Variants in ARB2A observed in about 807,000 individuals in gnomAD.
ARB2A encodes ARB2 cotranscriptional regulator A.
chr5:93,700,327 C>T, the ARB2A span, among the ~76,000 whole-genome samples: 1 of 151,934 alleles, frequency 6.6e-6, no homozygotes, highest in Non-Finnish European at 1.5e-5. Flanking sequence ...AAGGCAAATC[C>T]ATCAAAACAG....
At chr5:93,800,421 A>ACACACG in the ARB2A span, among the ~76,000 whole-genome samples, 1 of 149,122 alleles carries the variant, frequency 6.7e-6, no homozygotes, top group South Asian at 2.1e-4. Context: ...ACACACACAC[A>ACACACG]CACGCACACA....
the ARB2A span, among the ~76,000 whole-genome samples, chr5:94,102,424 CA>C: frequency 7.2e-5 from 11 of 152,050 alleles, no homozygotes; most frequent in African/African-American, 2.7e-4. Context: ...GAAAGAATCT[CA>C]AAGTTCAAAG....
At chr5:94,019,083 T>C in the ARB2A span, among the ~76,000 whole-genome samples, 3 of 152,160 alleles carry the variant, frequency 2.0e-5, no homozygotes, top group South Asian at 2.1e-4. Flanking sequence ...ATTTAATACA[T>C]GGTGTTGGGA....
At chr5:93,849,228 A>G in the ARB2A span, among the ~76,000 whole-genome samples, 1 of 152,198 alleles carries the variant, frequency 6.6e-6, no homozygotes, top group African/African-American at 2.4e-5. Context: ...AAATAATTGA[A>G]AAAAAATTTC....
the ARB2A span, chr5:93,741,155 T>C: frequency 6.2e-7 from 1 of 1,613,802 alleles, no homozygotes; most frequent in Non-Finnish European, 8.5e-7. Flanking sequence ...AGGCTCAACC[T>C]CTTCTGCCTC....
At chr5:93,811,328 T>C in the ARB2A span, among the ~76,000 whole-genome samples, 1 of 152,162 alleles carries the variant, frequency 6.6e-6, no homozygotes. Context: ...AATTTAAATA[T>C]AAATGATTTG....
At chr5:93,996,189 A>C in the ARB2A span, among the ~76,000 whole-genome samples, 5 of 152,046 alleles carry the variant, frequency 3.3e-5, no homozygotes, top group African/African-American at 1.2e-4. Context: ...GCCCATATCT[A>C]TGTATGTCTA....
chr5:93,937,105 C>T, the ARB2A span, among the ~76,000 whole-genome samples: 1 of 151,800 alleles, frequency 6.6e-6, no homozygotes, highest in Non-Finnish European at 1.5e-5. Context: ...GATCTCCTGA[C>T]CTCATGATCC....
At chr5:93,913,151 T>C in the ARB2A span, among the ~76,000 whole-genome samples, 1 of 151,818 alleles carries the variant, frequency 6.6e-6, no homozygotes, top group South Asian at 2.1e-4. Context: ...ATGTGGCATA[T>C]TGCTCTGATT....
chr5:93,932,564 T>C, the ARB2A span, among the ~76,000 whole-genome samples: 1 of 152,254 alleles, frequency 6.6e-6, no homozygotes, highest in African/African-American at 2.4e-5. Flanking sequence ...TAGAGCCATT[T>C]CTTCAGTTTA....
the ARB2A span, among the ~76,000 whole-genome samples, chr5:93,691,857 T>G: frequency 2.0e-5 from 3 of 152,116 alleles, no homozygotes; most frequent in Non-Finnish European, 4.4e-5. Flanking sequence ...CAGAAGACTG[T>G]GGGGGCCAAT....
the ARB2A span, among the ~76,000 whole-genome samples, chr5:93,676,058 T>C: frequency 6.6e-6 from 1 of 152,216 alleles, no homozygotes; most frequent in Non-Finnish European, 1.5e-5. Flanking sequence ...CTGTACTGAT[T>C]AAACAGGAAG....
chr5:94,056,025 C>T, the ARB2A span: 1 of 650,860 alleles, frequency 1.5e-6, no homozygotes, highest in Non-Finnish European at 1.9e-6. Flanking sequence ...TATTCACTGT[C>T]TTTCAGACAA....
chr5:93,813,230 G>T, the ARB2A span, among the ~76,000 whole-genome samples: 13 of 152,280 alleles, frequency 8.5e-5, no homozygotes, highest in East Asian at 2.3e-3. Context: ...CATGTTACCG[G>T]ACAATGGAGA....
the ARB2A span, among the ~76,000 whole-genome samples, chr5:93,981,822 C>T: frequency 6.6e-6 from 1 of 152,128 alleles, no homozygotes; most frequent in Non-Finnish European, 1.5e-5. Context: ...CCAAAGTTAA[C>T]TCATGTCACA....
the ARB2A span, among the ~76,000 whole-genome samples, chr5:93,807,870 A>G: frequency 2.0e-5 from 3 of 152,012 alleles, no homozygotes; most frequent in Non-Finnish European, 4.4e-5. Context: ...ACTCAAAAGA[A>G]ACATCTGAAT....
the ARB2A span, among the ~76,000 whole-genome samples, chr5:94,005,112 T>G: frequency 2.7e-5 from 4 of 150,044 alleles, no homozygotes; most frequent in East Asian, 2.0e-4. Context: ...TATGAAAAAT[T>G]GAAAAAAATA....
At chr5:93,886,652 G>T in the ARB2A span, among the ~76,000 whole-genome samples, 1 of 151,604 alleles carries the variant, frequency 6.6e-6, no homozygotes, top group Non-Finnish European at 1.5e-5. Flanking sequence ...GAAGTCACTA[G>T]TGAAGCGTTA....
the ARB2A span, among the ~76,000 whole-genome samples, chr5:93,678,572 A>G: frequency 6.6e-6 from 1 of 152,192 alleles, no homozygotes; most frequent in Non-Finnish European, 1.5e-5. Flanking sequence ...TTTGGCCAAC[A>G]TGGTGAAACC....
Sources: allele counts gnomAD v4.1 joint callset (sites outside exome capture counted in the v4.1 genomes callset), GRCh38; gene constraint gnomAD v4.1.1; transcripts MANE v1.5; gene names NCBI Gene and HGNC (gene_info 2026-07-23, HGNC 2026-07-21).